STRN: variants seen among roughly 807,000 people sequenced by gnomAD.
STRN encodes striatin.
A neutral mutation model predicts 96.3 loss-of-function variants in STRN; 53 were observed. The ratio of observed to expected loss-of-function variants is 0.55; its 90% CI spans 0.44 to 0.69. The LOEUF is 0.69. STRN is among the 30% of genes least tolerant of loss of function. STRN has a pLI of 0.00. For missense variants in STRN, 987 were observed against 963.9 expected, an observed-to-expected ratio of 1.02 and a Z score of -0.32; for synonymous variants, 428 against 355.9, an observed-to-expected ratio of 1.20 and a Z score of -2.28.
chr2:36,937,844 T>A (rs1558661126), intron 1 of STRN, among the ~76,000 whole-genome samples: 1 of 152,078 alleles, frequency 6.6e-6, no homozygotes, highest in Non-Finnish European at 1.5e-5. Context: ...TATAAAACAC[T>A]CTCTTAACAG....
chr2:36,849,762 C>T lies in STRN; in HGVS notation c.2125G>A (p.Val709Ile), dbSNP rs1668174283. The T allele has an allele frequency of 2.5e-6, 4 of 1,613,986 alleles. No homozygotes were observed. Among genetic ancestry groups the T allele is most frequent in the Admixed American group, 1.7e-5 (1 of 59,994 alleles). ...TTGGGATCAACTGCTAAACTTGTAA[C>T]AGCTTCTAGGTGGGCTACCATCGAG... is the stretch of plus-strand genomic sequence containing the variant. ...IHSMVAHLEAVTSLAVDPNGL... is the reference protein window; with the variant it reads ...IHSMVAHLEAITSLAVDPNGL... Residue 709 changes from valine (V) to isoleucine (I), a missense_variant, in exon 17 of 18, where the codon GTT becomes ATT. Transcript: ENST00000263918.
chr2:36,943,448 C>T (rs2148256692), intron 1 of STRN, among the ~76,000 whole-genome samples: 1 of 151,980 alleles, frequency 6.6e-6, no homozygotes, highest in South Asian at 2.1e-4. Context: ...TACTATGTTA[C>T]ATTGTTCTAA....
intron 2 of STRN, among the ~76,000 whole-genome samples, chr2:36,924,351 G>A (rs1302830623): frequency 6.8e-5 from 5 of 73,752 alleles, no homozygotes; most frequent in African/African-American, 2.7e-4. Context: ...GTGAGACTCC[G>A]TTTCAAAAAA....
At chr2:36,865,987 A>G (rs900430953) in intron 12 of STRN, among the ~76,000 whole-genome samples, 2 of 152,096 alleles carry the variant, frequency 1.3e-5, no homozygotes, top group African/African-American at 4.8e-5. Flanking sequence ...TTTTTGCCTT[A>G]ATTTCATTAT....
chr2:36,950,223 T>TG (rs906495319), intron 1 of STRN, among the ~76,000 whole-genome samples: 1 of 146,918 alleles, frequency 6.8e-6, no homozygotes, highest in Non-Finnish European at 1.5e-5. Context: ...GTTTTTTTTT[T>TG]TTTTTTTTTT....
intron 7 of STRN, among the ~76,000 whole-genome samples, chr2:36,887,118 CACAA>C (rs1461432083): frequency 6.6e-6 from 1 of 150,962 alleles, no homozygotes; most frequent in African/African-American, 2.4e-5. Flanking sequence ...GTAAATTAAG[CACAA>C]ACACTTTACA....
chr2:36,913,965 C>T (rs1421949732), intron 3 of STRN, among the ~76,000 whole-genome samples: 10 of 152,154 alleles, frequency 6.6e-5, no homozygotes, highest in South Asian at 2.1e-4. Context: ...TACTGAGCTG[C>T]GCTGTTTACT....
At chr2:36,868,154 A>C (rs555418435) in intron 11 of STRN, among the ~76,000 whole-genome samples, 3 of 152,320 alleles carry the variant, frequency 2.0e-5, no homozygotes, top group East Asian at 1.9e-4. Context: ...TGAAGAGATA[A>C]ATTTCTGAAC....
chr2:36,859,066 T>C (rs2148134754), intron 13 of STRN, among the ~76,000 whole-genome samples: 1 of 152,322 alleles, frequency 6.6e-6, no homozygotes, highest in Middle Eastern at 3.4e-3. Flanking sequence ...AATTCAGTAT[T>C]ACTGGAGTGT....
rs1264864179 is a variant in STRN, at chr2:36,839,390, A to G, written c.*10066T>C. On this transcript the variant is annotated 3_prime_UTR_variant, in exon 18 of 18. Transcript: ENST00000263918. ...TATAGCTGGCACTCAAATATTAAGG[A>G]AAGTAGTCTTCTGCTACTCTTGATG... Among the ~76,000 whole-genome samples the G allele has an allele frequency of 1.3e-5, 2 of 152,168 alleles. No individual in the cohort carries two copies. The highest frequency in any genetic ancestry group is 6.5e-5 in the Admixed American group (1 of 15,268).
At position 36,853,486 on chromosome 2, in the gene STRN, T is replaced by C. The variant is rs1668269850; in HGVS notation, c.1978+1726A>G. Among the ~76,000 whole-genome samples, 4 of 152,318 alleles carry C rather than the reference T, an allele frequency of 2.6e-5. No individual in the cohort carries two copies. In the South Asian group the frequency reaches 6.2e-4, roughly 24 times the overall value. The stretch of plus-strand genomic sequence containing the variant: ...ATGGAAACAGGCAAAAGAAAGTTCT[T>C]ATTTGGTAACACTTTTAAGGAAGCT... On this transcript the variant is annotated intron_variant, in intron 15 of 17. Transcript: ENST00000263918.
At chr2:36,887,314 TAC>T (rs1558638185) in intron 7 of STRN, among the ~76,000 whole-genome samples, 34 of 148,254 alleles carry the variant, frequency 2.3e-4, no homozygotes, top group African/African-American at 8.0e-4. Flanking sequence ...AATAAATAAA[TAC>T]AAAATTAGCC....
intron 12 of STRN, 89 bp from the exon 13 acceptor site, chr2:36,861,342 C>A: frequency 2.0e-6 from 3 of 1,499,906 alleles, no homozygotes; most frequent in Non-Finnish European, 2.7e-6. Context: ...TTTAATTACC[C>A]AAATGGCTAT....
chr2:36,911,511 T>C (rs570917360), intron 3 of STRN, among the ~76,000 whole-genome samples: 2 of 152,318 alleles, frequency 1.3e-5, no homozygotes, highest in African/African-American at 4.8e-5. Flanking sequence ...CTTCTATGAA[T>C]GCTTGCATGT....
intron 1 of STRN, among the ~76,000 whole-genome samples, chr2:36,935,055 G>A (rs970434953): frequency 3.9e-5 from 6 of 152,170 alleles, no homozygotes; most frequent in African/African-American, 1.4e-4. Context: ...TCTAGCCTGG[G>A]CAACAGAGGG....
At chr2:36,874,717 T>TAAAAAAAAA (rs35268065) in intron 10 of STRN, among the ~76,000 whole-genome samples, 5 of 86,300 alleles carry the variant, frequency 5.8e-5, no homozygotes, top group East Asian at 3.8e-4. Flanking sequence ...TGTTTAGAGT[T>TAAAAAAAAA]AAAAAAAAAA....
rs770179023 is a variant in STRN at position 36,966,222 on chromosome 2, G to C, written c.234+8C>G. ...GGATGAAGACGGCCAGGCCGGGAGG[G>C]TCTTTACCTGCAGCTCCGCCCGCTC... is the stretch of plus-strand genomic sequence containing the variant. On this transcript the variant is annotated splice_region_variant and intron_variant, in intron 1 of 17. Coordinates refer to ENST00000263918, the MANE Select transcript of STRN (RefSeq NM_003162.4). 11 of 1,558,084 alleles carry C rather than the reference G, an allele frequency of 7.1e-6. No homozygotes were observed. Among genetic ancestry groups the C allele is most frequent in the Non-Finnish European group, 6.9e-6 (8 of 1,154,336 alleles).
chr2:36,935,452 T>TA (rs2148245658), intron 1 of STRN, among the ~76,000 whole-genome samples: 1 of 152,326 alleles, frequency 6.6e-6, no homozygotes, highest in South Asian at 2.1e-4. Context: ...ACACCTTCTA[T>TA]AATTAATCTC....
intron 1 of STRN, among the ~76,000 whole-genome samples, chr2:36,937,611 C>T (rs192891714): frequency 6.6e-6 from 1 of 150,588 alleles, no homozygotes. Flanking sequence ...GAGGTTGAGG[C>T]TACAGTGAGT....
Sources: gnomAD v4.1 joint callset for allele counts (sites outside exome capture counted in the v4.1 genomes callset) on GRCh38, gnomAD v4.1.1 for gene constraint, MANE v1.5 for transcripts, NCBI Gene and HGNC (gene_info 2026-07-23, HGNC 2026-07-21) for gene names.